The following ARHGAP6 variants were observed in gnomAD, a reference collection of about 807,000 sequenced individuals.
ARHGAP6 encodes Rho GTPase activating protein 6, also known as rho GTPase-activating protein 6.
Under a neutral mutation model 55.7 loss-of-function variants are expected in ARHGAP6, and 16 were observed. That is an observed-to-expected ratio of 0.29 (90% CI 0.19 to 0.44). The LOEUF is 0.44. ARHGAP6 is among the 20% of genes least tolerant of loss of function. The pLI is 1.00. For synonymous variants in ARHGAP6, 382 were observed against 360.9 expected, an observed-to-expected ratio of 1.06 and a Z score of -0.66; for missense variants, 698 against 808.9, an observed-to-expected ratio of 0.86 and a Z score of 1.66.
intron 1 of ARHGAP6, among the ~76,000 whole-genome samples, chrX:11,507,138 A>T (rs1198573592): frequency 1.8e-5 from 2 of 111,997 alleles, no homozygotes; most frequent in Non-Finnish European, 3.8e-5. Flanking sequence ...CCTACTGATT[A>T]TTCAGTAGAG....
chrX:11,236,998 G>C (rs1270597892), intron 2 of ARHGAP6, among the ~76,000 whole-genome samples: 2 of 112,578 alleles, frequency 1.8e-5, no homozygotes, highest in African/African-American at 6.5e-5. Flanking sequence ...AATGCATTTA[G>C]ACTCTGCCCT....
intron 1 of ARHGAP6, among the ~76,000 whole-genome samples, chrX:11,485,908 A>G (rs886565812): frequency 1.6e-4 from 18 of 112,038 alleles, no homozygotes; most frequent in African/African-American, 5.5e-4. Context: ...ATTCATACCA[A>G]TTGAAGAGCT....
chrX:11,472,653 C>G (rs2050359742), intron 1 of ARHGAP6, among the ~76,000 whole-genome samples: 1 of 111,772 alleles, frequency 8.9e-6, no homozygotes, highest in South Asian at 3.7e-4. Flanking sequence ...TTCAGTTGCT[C>G]TTTGGAGAAC....
At chrX:11,426,883 C>G (rs958304446) in intron 1 of ARHGAP6, among the ~76,000 whole-genome samples, 1 of 110,262 alleles carries the variant, frequency 9.1e-6, no homozygotes, top group Admixed American at 9.7e-5. Context: ...GCACCTAGCG[C>G]AGTCCCTGGC....
In ARHGAP6 at chrX:11,426,254, A is replaced by G. The variant is rs953587121; in HGVS notation, c.589-171547T>C. Among the ~76,000 whole-genome samples the G allele has an allele frequency of 3.6e-5, 4 of 111,620 alleles. No individual in the cohort carries two copies. The South Asian group carries it at 1.1e-3, about 32-fold the overall frequency. ...GTGCAATTTGCCCAATGGCCCTGCA[A>G]TTAATCCAGGAGCCCCGAGGTGACA... On this transcript the variant is annotated intron_variant, in intron 1 of 12. Transcript: ENST00000337414.
At chrX:11,292,412 G>C (rs1669720115) in intron 1 of ARHGAP6, among the ~76,000 whole-genome samples, 1 of 111,856 alleles carries the variant, frequency 8.9e-6, no homozygotes, top group African/African-American at 3.3e-5. Flanking sequence ...ATGATCAGAG[G>C]TTCTTTTAGA....
At chrX:11,429,110 T>C (rs2049918306) in intron 1 of ARHGAP6, among the ~76,000 whole-genome samples, 1 of 112,525 alleles carries the variant, frequency 8.9e-6, no homozygotes, top group African/African-American at 3.2e-5. Context: ...TCTGTGCACA[T>C]GATGGAATAC....
chrX:11,298,727 C>T lies in ARHGAP6; in HGVS notation c.589-44020G>A, dbSNP rs777235911. The T allele has an allele frequency of 2.5e-6, 3 of 1,211,401 alleles. No homozygotes were observed. In the South Asian group the frequency reaches 5.3e-5, roughly 21 times the overall value. On this transcript the variant is annotated intron_variant, in intron 1 of 12. Transcript: ENST00000337414. ...TGATGCCCGTTCCTGGCCAACACTC[C>T]ATGACTCCAATCCAACACCACCAGC...
intron 1 of ARHGAP6, chrX:11,294,990 C>A (rs964053448): frequency 4.4e-6 from 3 of 678,210 alleles, no homozygotes; most frequent in Non-Finnish European, 6.9e-6. Flanking sequence ...ACTTCAGGAG[C>A]TTGTTTTAAA....
intron 1 of ARHGAP6, among the ~76,000 whole-genome samples, chrX:11,457,386 T>C (rs1980033084): frequency 9.0e-6 from 1 of 111,136 alleles, no homozygotes; most frequent in African/African-American, 3.3e-5. Flanking sequence ...CCGAAATCTT[T>C]TGTGATGGAT....
intron 1 of ARHGAP6, among the ~76,000 whole-genome samples, chrX:11,500,776 G>C (rs2050670498): frequency 9.1e-6 from 1 of 110,263 alleles, no homozygotes. Flanking sequence ...TTTTGGGGGG[G>C]AAGGTTATAG....
At chrX:11,539,592 T>C (rs1416185512) in intron 1 of ARHGAP6, among the ~76,000 whole-genome samples, 1 of 111,967 alleles carries the variant, frequency 8.9e-6, no homozygotes, top group Non-Finnish European at 1.9e-5. Context: ...CTTTTTCTCA[T>C]CCTCTCAGGA....
At chrX:11,533,510 T>C (rs1170153462) in intron 1 of ARHGAP6, among the ~76,000 whole-genome samples, 1 of 112,522 alleles carries the variant, frequency 8.9e-6, no homozygotes, top group Non-Finnish European at 1.9e-5. Context: ...TACTCGTTAT[T>C]GCTGGAGACA....
chrX:11,584,656 G>A lies in ARHGAP6; in HGVS notation c.588+79585C>T, dbSNP rs749565497. Among the ~76,000 whole-genome samples the A allele has an allele frequency of 2.1e-4, 23 of 111,530 alleles. No homozygotes were observed. In the South Asian group the frequency reaches 4.5e-3, roughly 22 times the overall value. On this transcript the variant is annotated intron_variant, in intron 1 of 12. Transcript: ENST00000337414. Reference sequence around the variant, plus strand: ...GTGTGTTGGAGTATTATGAATTGCCGTACTGTTTCAAAGAATATAAACAAC... The same window carrying A: ...GTGTGTTGGAGTATTATGAATTGCCATACTGTTTCAAAGAATATAAACAAC...
intron 1 of ARHGAP6, among the ~76,000 whole-genome samples, chrX:11,653,330 A>C (rs1440691435): frequency 8.9e-6 from 1 of 112,016 alleles, no homozygotes. Context: ...ACTAGGCCAA[A>C]ATGCCTGGAG....
At chrX:11,322,376 G>C (rs1274598535) in intron 1 of ARHGAP6, among the ~76,000 whole-genome samples, 6 of 101,582 alleles carry the variant, frequency 5.9e-5, no homozygotes, top group Non-Finnish European at 1.2e-4. Flanking sequence ...TTTCTTTTTT[G>C]AGACAGAGTT....
chrX:11,362,099 A>T (rs962489678), intron 1 of ARHGAP6, among the ~76,000 whole-genome samples: 1 of 112,020 alleles, frequency 8.9e-6, no homozygotes, highest in Non-Finnish European at 1.9e-5. Flanking sequence ...CAGTGTGGCG[A>T]TTCCTCAGGG....
chrX:11,396,537 G>A (rs1042562544), intron 1 of ARHGAP6, among the ~76,000 whole-genome samples: 1 of 111,363 alleles, frequency 9.0e-6, no homozygotes, highest in African/African-American at 3.3e-5. Context: ...AAGTATTTAC[G>A]GAGTGCTTAT....
intron 1 of ARHGAP6, among the ~76,000 whole-genome samples, chrX:11,291,634 C>T (rs910308383): frequency 1.5e-4 from 17 of 110,758 alleles, no homozygotes; most frequent in Non-Finnish European, 2.8e-4. Context: ...ATTTTCCTTC[C>T]TCTCCCTTAC....
Sources: allele counts gnomAD v4.1 joint callset (sites outside exome capture counted in the v4.1 genomes callset), GRCh38; gene constraint gnomAD v4.1.1; transcripts MANE v1.5; gene names NCBI Gene and HGNC (gene_info 2026-07-23, HGNC 2026-07-21).